The following TCEA3 variants were observed in gnomAD, a reference collection of about 807,000 sequenced individuals.
TCEA3 encodes transcription elongation factor A protein 3.
TCEA3 carries 36 observed loss-of-function variants against 44.0 expected under a neutral mutation model. The observed-to-expected ratio is 0.82, with a 90% CI of 0.63 to 1.08. TCEA3 has a LOEUF of 1.08. Ranked by LOEUF, TCEA3 falls within the 50% of genes least tolerant of loss-of-function variation. The pLI, the probability that TCEA3 is intolerant of heterozygous loss-of-function variation, is 0.00. For missense variants in TCEA3, 392 were observed against 441.2 expected (o/e 0.89, Z 1.00); for synonymous variants, 162 against 159.7 (o/e 1.01, Z -0.11).
intron 1 of TCEA3, chr1:23,423,731 C>A (rs1640131810): frequency 1.3e-5 from 6 of 456,000 alleles, no homozygotes; most frequent in East Asian, 7.0e-5. Flanking sequence ...GCCAAATTTG[C>A]TCTGGCCAGG....
At chr1:23,420,351 C>A (rs141846029) in intron 1 of TCEA3, among the ~76,000 whole-genome samples, 335 of 152,316 alleles carry the variant, frequency 2.2e-3, no homozygotes, top group African/African-American at 7.8e-3. Flanking sequence ...AGGTGATCCT[C>A]CCACCTCAGC....
chr1:23,397,343 T>C (rs769111179), intron 7 of TCEA3, among the ~76,000 whole-genome samples: 6 of 152,310 alleles, frequency 3.9e-5, no homozygotes, highest in Non-Finnish European at 8.8e-5. Flanking sequence ...CTGAATGAGG[T>C]ACTGCTCATT....
chr1:23,409,035 C>T (rs1420132259), intron 4 of TCEA3, among the ~76,000 whole-genome samples: 2 of 152,192 alleles, frequency 1.3e-5, no homozygotes, highest in Non-Finnish European at 2.9e-5. Flanking sequence ...TCCCTGTCCT[C>T]CTGGCTGTCA....
At chr1:23,394,289 C>T (rs1236728759) in intron 7 of TCEA3, among the ~76,000 whole-genome samples, 2 of 152,126 alleles carry the variant, frequency 1.3e-5, no homozygotes, top group Non-Finnish European at 2.9e-5. Flanking sequence ...TCAGGGACAC[C>T]AGGACCCTGG....
rs576778891 is a variant in TCEA3, at chr1:23,395,827, CAA to C, written c.664+1716_664+1717del. The stretch of plus-strand genomic sequence containing the variant: ...TGGGCAACAGAGCAAGATTCCATCT[CAA>C]AAAAAAAAAAAAAAAGGAACTTTCA... On this transcript the variant is annotated intron_variant, in intron 7 of 10. Coordinates refer to ENST00000450454, the MANE Select transcript of TCEA3 (RefSeq NM_003196.3). Among the ~76,000 whole-genome samples the C allele has an allele frequency of 5.5e-4, 50 of 90,782 alleles. 1 individual carries two copies. Among genetic ancestry groups the C allele is most frequent in the African/African-American group, 8.5e-4 (24 of 28,194 alleles). 59.6% of individuals were successfully genotyped at this position (90,782 alleles called of 152,430 possible).
intron 5 of TCEA3, among the ~76,000 whole-genome samples, chr1:23,399,711 A>G (rs1639343105): frequency 6.9e-6 from 1 of 144,850 alleles, no homozygotes. Context: ...TCTGTCATCC[A>G]GGCTGCCAGG....
intron 5 of TCEA3, among the ~76,000 whole-genome samples, chr1:23,402,315 G>C (rs1377185216): frequency 2.0e-5 from 3 of 152,280 alleles, no homozygotes; most frequent in South Asian, 2.1e-4. Flanking sequence ...ACATCAGCCT[G>C]AGTGACCGAG....
chr1:23,388,549 T>C (rs1226743938), intron 8 of TCEA3, among the ~76,000 whole-genome samples: 1 of 152,314 alleles, frequency 6.6e-6, no homozygotes, highest in African/African-American at 2.4e-5. Flanking sequence ...TGGAGAAGAA[T>C]GCTGGCATAA....
intron 5 of TCEA3, among the ~76,000 whole-genome samples, chr1:23,405,964 A>G (rs1452364074): frequency 2.0e-5 from 3 of 150,740 alleles, no homozygotes; most frequent in African/African-American, 7.3e-5. Flanking sequence ...TGTCAGGAGT[A>G]TCCCCCTCCT....
chr1:23,414,741 G>C (rs1639837075), intron 4 of TCEA3, among the ~76,000 whole-genome samples: 1 of 152,106 alleles, frequency 6.6e-6, no homozygotes, highest in African/African-American at 2.4e-5. Flanking sequence ...TTTCTACAAT[G>C]AGCAAGTAAT....
chr1:23,418,961 C>T (rs1255460593), intron 2 of TCEA3, 116 bp downstream of exon 2: 1 of 902,454 alleles, frequency 1.1e-6, no homozygotes, highest in Non-Finnish European at 1.6e-6. Flanking sequence ...ATCCCCTCCC[C>T]ACAGGCCCCC....
intron 8 of TCEA3, among the ~76,000 whole-genome samples, chr1:23,389,846 CAG>C (rs1356491186): frequency 6.6e-6 from 1 of 152,066 alleles, no homozygotes; most frequent in Non-Finnish European, 1.5e-5. Context: ...TAACTGAACG[CAG>C]AGTTGGGAAG....
intron 5 of TCEA3, among the ~76,000 whole-genome samples, chr1:23,407,969 GTTTT>G (rs1244200235): frequency 1.3e-5 from 2 of 151,586 alleles, no homozygotes; most frequent in African/African-American, 4.8e-5. Flanking sequence ...TGTTTTGTTT[GTTTT>G]GTTTTTGAGA....
At chr1:23,390,741 A>C (rs948018701) in intron 8 of TCEA3, among the ~76,000 whole-genome samples, 2 of 152,088 alleles carry the variant, frequency 1.3e-5, no homozygotes, top group Admixed American at 6.6e-5. Context: ...TAAATACAAC[A>C]CTGTAGAAAA....
In TCEA3 at chr1:23,408,673, G is replaced by C; in HGVS notation, c.434C>G (p.Ser145Trp). 1 of 1,611,488 alleles carries C rather than the reference G, an allele frequency of 6.2e-7. No homozygotes were observed. Among genetic ancestry groups the C allele is most frequent in the Non-Finnish European group, 8.5e-7 (1 of 1,178,920 alleles). Reference sequence around the variant, plus strand: ...CTGTGGTTTCCTTTACCTTTCCACCGATGGTCTTTTTGGAGAGGAGGAGGC... The same window carrying C: ...CTGTGGTTTCCTTTACCTTTCCACCCATGGTCTTTTTGGAGAGGAGGAGGC... ...SSASSSPKRP[S>W]VERSNSSKSK... The change falls in exon 5 of 11, where the codon TCG (serine) becomes TGG (tryptophan). Residue 145 changes from serine to tryptophan, a missense_variant. Physicochemically the swap from Ser to Trp is radical, Grantham distance 177. Transcript: ENST00000450454.
At chr1:23,412,590 C>T (rs186678838) in intron 4 of TCEA3, among the ~76,000 whole-genome samples, 62 of 152,096 alleles carry the variant, frequency 4.1e-4, no homozygotes, top group Middle Eastern at 3.4e-3. Flanking sequence ...TGCCTGTAAT[C>T]CCAGCTACTC....
Position 23,424,647 on chromosome 1 carries a change from G to T in TCEA3, c.-14C>A, listed in dbSNP as rs71514235. On this transcript the variant is annotated 5_prime_UTR_variant, in exon 1 of 11. Coordinates refer to ENST00000450454, the MANE Select transcript of TCEA3 (RefSeq NM_003196.3). ...TTCCTGGCCCATGTTGGCCCGCGAC[G>T]CCCGGCGGGGCGAGGGGCACAGGGG... The T allele has an allele frequency of 0.64, 1,025,575 of 1,599,780 alleles. 339,830 individuals are homozygous for T. The highest frequency in any genetic ancestry group is 0.67 in the Non-Finnish European group (793,018 of 1,175,862).
At chr1:23,382,928 A>C (rs1459495534) in intron 10 of TCEA3, among the ~76,000 whole-genome samples, 3 of 152,236 alleles carry the variant, frequency 2.0e-5, no homozygotes, top group Non-Finnish European at 4.4e-5. Flanking sequence ...TTTTTACCTT[A>C]AAAAATATGG....
chr1:23,419,960 C>A (rs1411005533), intron 1 of TCEA3, among the ~76,000 whole-genome samples: 1 of 152,216 alleles, frequency 6.6e-6, no homozygotes, highest in Non-Finnish European at 1.5e-5. Flanking sequence ...ACCCTCACCA[C>A]AATCAAGATA....
Sources: allele counts gnomAD v4.1 joint callset (sites outside exome capture counted in the v4.1 genomes callset), GRCh38; gene constraint gnomAD v4.1.1; transcripts MANE v1.5; gene names NCBI Gene and HGNC (gene_info 2026-07-23, HGNC 2026-07-21).